Variants in RBM47 observed in about 807,000 individuals in gnomAD.
RBM47 encodes the protein RNA-binding protein 47.
In RBM47, 21 loss-of-function variants were observed where a neutral mutation model predicts 47.1. The observed-to-expected ratio is 0.45, with a 90% CI of 0.32 to 0.64. The LOEUF (loss-of-function observed/expected upper bound fraction) is 0.64. Ranked by LOEUF, RBM47 falls within the 30% of genes least tolerant of loss-of-function variation. RBM47 has a pLI of 0.05. For synonymous variants in RBM47, 375 were observed against 361.7 expected, an observed-to-expected ratio of 1.04 and a Z score of -0.42; for missense variants, 708 against 870.9, an observed-to-expected ratio of 0.81 and a Z score of 2.35.
chr4:40,575,552 C>CAAAAAAAAAAAAAAAAAA (rs33963787), intron 1 of RBM47, among the ~76,000 whole-genome samples: 11 of 98,332 alleles, frequency 1.1e-4, no homozygotes, highest in Non-Finnish European at 1.7e-4. Context: ...AACTCCATCT[C>CAAAAAAAAAAAAAAAAAA]AAAAAAAAAA....
chr4:40,573,755 AAGAG>A (rs1315115525), intron 1 of RBM47, among the ~76,000 whole-genome samples: 1 of 145,676 alleles, frequency 6.9e-6, no homozygotes, highest in African/African-American at 2.7e-5. Flanking sequence ...GCAAGAAAGA[AAGAG>A]AGAGAGAGAG....
intron 2 of RBM47, among the ~76,000 whole-genome samples, chr4:40,538,483 C>T (rs184013572): frequency 1.4e-3 from 211 of 152,130 alleles, no homozygotes; most frequent in Middle Eastern, 6.8e-3. Flanking sequence ...CACGTCACCA[C>T]GGCCAGCTAA....
intron 1 of RBM47, among the ~76,000 whole-genome samples, chr4:40,560,668 C>T (rs1430354438): frequency 6.6e-6 from 1 of 152,170 alleles, no homozygotes; most frequent in African/African-American, 2.4e-5. Flanking sequence ...ACCACCATAA[C>T]TAAAAAGTTG....
chr4:40,524,221 C>T (rs1025111577), intron 2 of RBM47, among the ~76,000 whole-genome samples: 1 of 152,160 alleles, frequency 6.6e-6, no homozygotes, highest in Non-Finnish European at 1.5e-5. Flanking sequence ...ACATATACAA[C>T]CTCCTGCCAA....
rs537713036 is a variant in RBM47, at chr4:40,437,138, C to T, written c.1124-491G>A. Among the ~76,000 whole-genome samples, 6 of 76,334 alleles carry T rather than the reference C, an allele frequency of 7.9e-5. 1 individual carries two copies. Among genetic ancestry groups the T allele is most frequent in the East Asian group, 5.1e-4 (1 of 1,952 alleles). 50.1% of individuals were successfully genotyped at this position (76,334 alleles called of 152,430 possible). ...AATACATATATATATATATAAAATA[C>T]ATATATATATATAAAATACATATAT... On this transcript the variant is annotated intron_variant, in intron 4 of 6. Transcript: ENST00000295971.
At chr4:40,535,419 C>T (rs1727864389) in intron 2 of RBM47, among the ~76,000 whole-genome samples, 2 of 132,390 alleles carry the variant, frequency 1.5e-5, no homozygotes, top group African/African-American at 5.9e-5. Context: ...GTCACCCAGG[C>T]TGGAGTGCAG....
intron 6 of RBM47, among the ~76,000 whole-genome samples, chr4:40,432,254 A>AT (rs1367266250): frequency 2.0e-5 from 3 of 150,354 alleles, no homozygotes; most frequent in Non-Finnish European, 4.4e-5. Flanking sequence ...GGGGGTTAAC[A>AT]TTTTTTTAAA....
chr4:40,535,371 C>CTTTTTTT (rs1177127352), intron 2 of RBM47, among the ~76,000 whole-genome samples: 12 of 103,434 alleles, frequency 1.2e-4, no homozygotes, highest in African/African-American at 5.2e-4. Context: ...TATGGTATTT[C>CTTTTTTT]TTTTTTTTTT....
intron 1 of RBM47, among the ~76,000 whole-genome samples, chr4:40,562,005 T>C (rs1437087421): frequency 6.6e-6 from 1 of 152,186 alleles, no homozygotes; most frequent in Non-Finnish European, 1.5e-5. Flanking sequence ...GTTTCTCAAA[T>C]AGCCCATGTG....
chr4:40,424,308 G>A lies in RBM47; in HGVS notation c.*1596C>T, dbSNP rs1292844455. ...TATTGCACACCTCACTTCCTTGATT[G>A]AGCCTTTAAAAAACAATTCCAAGTT... On this transcript the variant is annotated 3_prime_UTR_variant, in exon 7 of 7. Transcript: ENST00000295971. 6.6e-6 allele frequency: 1 copy of A among 152,490 alleles called. No individual in the cohort carries two copies. Among genetic ancestry groups the A allele is most frequent in the Non-Finnish European group, 1.5e-5 (1 of 68,006 alleles). 9.4% of individuals were successfully genotyped at this position (152,490 alleles called of 1,614,324 possible). A position where few individuals can be genotyped will look rare whatever the true frequency, so the allele number is the denominator to read the frequency against.
At chr4:40,503,002 A>G (rs1245109434) in intron 2 of RBM47, among the ~76,000 whole-genome samples, 1 of 151,894 alleles carries the variant, frequency 6.6e-6, no homozygotes, top group Non-Finnish European at 1.5e-5. Context: ...AAAAAAAAAA[A>G]AAGAATGGAA....
chr4:40,456,009 T>C (rs1716181731), intron 3 of RBM47, among the ~76,000 whole-genome samples: 1 of 152,228 alleles, frequency 6.6e-6, no homozygotes. Flanking sequence ...TACACAGATA[T>C]TACCTTCTAC....
intron 1 of RBM47, among the ~76,000 whole-genome samples, chr4:40,602,424 C>T (rs1735368411): frequency 6.6e-6 from 1 of 151,310 alleles, no homozygotes; most frequent in Admixed American, 6.6e-5. Context: ...CCGAGGCGGG[C>T]AGATCATGAG....
chr4:40,583,532 C>T (rs766883879), intron 1 of RBM47, among the ~76,000 whole-genome samples: 4 of 151,714 alleles, frequency 2.6e-5, no homozygotes, highest in Admixed American at 6.6e-5. Context: ...GAGACCCTGC[C>T]TCTAAAAAAT....
chr4:40,475,534 A>G (rs952298407), intron 2 of RBM47, among the ~76,000 whole-genome samples: 1 of 152,234 alleles, frequency 6.6e-6, no homozygotes, highest in Admixed American at 6.5e-5. Flanking sequence ...ACTGTGCAGC[A>G]GTTGAAATTC....
At position 40,572,121 on chromosome 4, in the gene RBM47, C is replaced by T. The variant is rs535180182; in HGVS notation, c.-239-27615G>A. Among the ~76,000 whole-genome samples, 7 of 149,580 alleles carry T rather than the reference C, an allele frequency of 4.7e-5. No homozygotes were observed. The South Asian group carries it at 1.1e-3, about 23-fold the overall frequency. ...AAAAAAACCCACCAGGTGTGGCTCA[C>T]CCTGTAATCCCAGCACTTTGGGAGG... On this transcript the variant is annotated intron_variant, in intron 1 of 6. Coordinates refer to ENST00000295971, the MANE Select transcript of RBM47 (RefSeq NM_001098634.2).
chr4:40,491,531 TAAGA>T (rs1274237580), intron 2 of RBM47, among the ~76,000 whole-genome samples: 1 of 152,146 alleles, frequency 6.6e-6, no homozygotes, highest in East Asian at 1.9e-4. Context: ...AGGACACCAT[TAAGA>T]AAGGAAAGAC....
At chr4:40,579,110 C>T (rs2154270564) in intron 1 of RBM47, among the ~76,000 whole-genome samples, 1 of 135,262 alleles carries the variant, frequency 7.4e-6, no homozygotes, top group Non-Finnish European at 1.6e-5. Context: ...CAGAGCGAGA[C>T]TCTATCTTAA....
intron 2 of RBM47, among the ~76,000 whole-genome samples, chr4:40,516,983 A>G (rs1725654528): frequency 6.6e-6 from 1 of 152,092 alleles, no homozygotes; most frequent in Non-Finnish European, 1.5e-5. Context: ...AATCCCCTGC[A>G]TGCTAGGGAT....
Sources: allele counts gnomAD v4.1 joint callset (sites outside exome capture counted in the v4.1 genomes callset), GRCh38; gene constraint gnomAD v4.1.1; transcripts MANE v1.5; gene names NCBI Gene and HGNC (gene_info 2026-07-23, HGNC 2026-07-21).